ERGIC2: variants seen among roughly 807,000 people sequenced by gnomAD.
ERGIC2 encodes the protein endoplasmic reticulum-Golgi intermediate compartment protein 2.
In ERGIC2, 31 loss-of-function variants were observed where a neutral mutation model predicts 52.5. The ratio of observed to expected loss-of-function variants is 0.59; its 90% CI spans 0.44 to 0.80. The LOEUF is 0.80. ERGIC2 is among the 30% of genes least tolerant of loss of function. ERGIC2 has a pLI of 0.00. For synonymous variants in ERGIC2, 129 were observed against 140.6 expected (o/e 0.92, Z 0.58); for missense variants, 395 against 455.2 (o/e 0.87, Z 1.20).
chr12:29,345,444 C>T lies in ERGIC2; in HGVS notation c.824G>A (p.Arg275Lys). ...ADTHQFSVTE[R>K]ERIINHAAGS... Reference sequence around the variant, plus strand: ...TTTTACCGGTTGGATTCAACTTACCCTTTCTGTCACAGAAAACTGATGGGT... The same window carrying T: ...TTTTACCGGTTGGATTCAACTTACCTTTTCTGTCACAGAAAACTGATGGGT... The change falls in exon 11 of 14, where the codon AGG (arginine) becomes AAG (lysine). Residue 275 changes from arginine to lysine, a missense_variant and splice_region_variant. Physicochemically the swap from Arg to Lys is conservative, Grantham distance 26 (BLOSUM62 2). Transcript: ENST00000360150. The T allele has an allele frequency of 6.5e-7, 1 of 1,538,028 alleles. No homozygotes were observed. The highest frequency in any genetic ancestry group is 9.0e-7 in the Non-Finnish European group (1 of 1,115,746).
chr12:29,367,186 C>T (rs952738224), intron 4 of ERGIC2, among the ~76,000 whole-genome samples: 29 of 144,270 alleles, frequency 2.0e-4, no homozygotes, highest in African/African-American at 6.7e-4. Flanking sequence ...CAGTAAAAAA[C>T]TTCTTACCCA....
intron 2 of ERGIC2, among the ~76,000 whole-genome samples, chr12:29,370,795 T>G (rs1053442186): frequency 4.6e-5 from 7 of 152,014 alleles, no homozygotes; most frequent in Non-Finnish European, 1.0e-4. Context: ...CTCCTCTACT[T>G]GGCAATCTCC....
chr12:29,361,773 A>C, intron 5 of ERGIC2, 88 bp from the exon 6 acceptor site: 2 of 1,029,644 alleles, frequency 1.9e-6, no homozygotes, highest in Non-Finnish European at 1.4e-6. Context: ...TGAGCAGGAA[A>C]CATAAACTTA....
chr12:29,379,375 G>A (rs1940556177), intron 1 of ERGIC2, among the ~76,000 whole-genome samples: 1 of 152,096 alleles, frequency 6.6e-6, no homozygotes, highest in African/African-American at 2.4e-5. Context: ...AAGAACTTAT[G>A]CTTTAGTCAT....
At chr12:29,365,329 A>G (rs887911560) in intron 5 of ERGIC2, among the ~76,000 whole-genome samples, 3 of 152,136 alleles carry the variant, frequency 2.0e-5, no homozygotes, top group Non-Finnish European at 2.9e-5. Flanking sequence ...GCTGGAGGCA[A>G]TAATCCTAAG....
chr12:29,367,047 C>CA (rs748343213), intron 4 of ERGIC2, 100 bp from the exon 5 acceptor site: 24,411 of 261,898 alleles, frequency 0.093, 414 homozygotes, highest in African/African-American at 0.2. Flanking sequence ...ACTCACCAAG[C>CA]AAAAAAAAAA....
At position 29,381,172 on chromosome 12, in the gene ERGIC2, T is replaced by A. The variant is rs532994642; in HGVS notation, c.-95A>T. On this transcript the variant is annotated 5_prime_UTR_variant, in exon 1 of 14. Coordinates refer to ENST00000360150, the MANE Select transcript of ERGIC2 (RefSeq NM_016570.3). ...TCACAGAAGCCCGGGTCGCCGGGGC[T>A]CCCGCGTACCCGGAAATATCGCGAG... is the stretch of plus-strand genomic sequence containing the variant. 2.0e-5 allele frequency: 3 copies of A among 152,256 alleles called. No homozygotes were observed. The highest frequency in any genetic ancestry group is 7.2e-5 in the African/African-American group (3 of 41,530). The allele number at this position is 152,256 out of a possible 1,614,324, so 9.4% of individuals were successfully genotyped here.
chr12:29,368,155 A>G (rs905935783), intron 4 of ERGIC2, 86 bp downstream of exon 4: 2 of 811,172 alleles, frequency 2.5e-6, no homozygotes, highest in Non-Finnish European at 4.2e-6. Flanking sequence ...GGAAAAATAA[A>G]GTACAACCAG....
rs35726730 is a variant in ERGIC2, at chr12:29,338,173, CAAAAAAAA to C, written c.*2975_*2982del. The C allele has an allele frequency of 1.2e-5, 1 of 81,032 alleles. No homozygotes were observed. 5.0% of individuals were successfully genotyped at this position (81,032 alleles called of 1,614,324 possible). ...TAGGCGACAGAGCGAGACTCAGTTT[CAAAAAAAA>C]AAAAAAAAAAATTAGAACTTAGTCA... On this transcript the variant is annotated 3_prime_UTR_variant, in exon 14 of 14. Coordinates refer to ENST00000360150, the MANE Select transcript of ERGIC2 (RefSeq NM_016570.3).
At chr12:29,343,054 G>A in intron 12 of ERGIC2, 66 bp downstream of exon 12, 1 of 1,367,814 alleles carries the variant, frequency 7.3e-7, no homozygotes, top group Non-Finnish European at 9.9e-7. Context: ...TTGCCCCTTT[G>A]AGAAGAAGCA....
chr12:29,371,865 A>C (rs375693058), intron 1 of ERGIC2, among the ~76,000 whole-genome samples, 195 bp from the exon 2 acceptor site: 28 of 152,348 alleles, frequency 1.8e-4, no homozygotes, highest in African/African-American at 6.7e-4. Context: ...AATGGAAGGC[A>C]ATTTAAATAC....
chr12:29,343,962 T>C (rs191636542), intron 11 of ERGIC2, among the ~76,000 whole-genome samples: 64 of 152,294 alleles, frequency 4.2e-4, no homozygotes, highest in Middle Eastern at 3.4e-3. Context: ...ACTCCATTCT[T>C]TTTTAAGTTA....
chr12:29,346,410 A>C (rs2136852063), intron 10 of ERGIC2, among the ~76,000 whole-genome samples: 2 of 152,030 alleles, frequency 1.3e-5, no homozygotes, highest in East Asian at 3.9e-4. Context: ...GGCTGGTCTC[A>C]AACTCCTGGG....
At chr12:29,378,334 A>C (rs939351627) in intron 1 of ERGIC2, among the ~76,000 whole-genome samples, 1 of 152,132 alleles carries the variant, frequency 6.6e-6, no homozygotes, top group African/African-American at 2.4e-5. Context: ...TGACACCTTG[A>C]TTTCAGACTT....
At position 29,338,776 on chromosome 12, in the gene ERGIC2, T is replaced by C. The variant is rs1949816328; in HGVS notation, c.*2380A>G. The C allele has an allele frequency of 1.3e-5, 2 of 152,174 alleles. No homozygotes were observed. Among genetic ancestry groups the C allele is most frequent in the South Asian group, 4.1e-4 (2 of 4,824 alleles). The allele number at this position is 152,174 out of a possible 1,614,324, so 9.4% of individuals were successfully genotyped here. ...TTAATCTTCTTTATAGGTCAATGTA[T>C]GCAAACACAGTATTTAAAAATCCAT... On this transcript the variant is annotated 3_prime_UTR_variant, in exon 14 of 14. Coordinates refer to ENST00000360150, the MANE Select transcript of ERGIC2 (RefSeq NM_016570.3).
At chr12:29,380,354 T>C (rs78598629) in intron 1 of ERGIC2, among the ~76,000 whole-genome samples, 1,646 of 152,224 alleles carry the variant, frequency 0.011, 27 homozygotes, top group African/African-American at 0.038. Context: ...GTAACTTTCA[T>C]TGCTTCTGAA....
chr12:29,366,757 T>C, intron 5 of ERGIC2, 120 bp downstream of exon 5: 1 of 530,738 alleles, frequency 1.9e-6, no homozygotes, highest in Non-Finnish European at 3.2e-6. Context: ...TATGGATTAC[T>C]TTTGAAATAA....
At chr12:29,355,263 T>C (rs986937400) in intron 8 of ERGIC2, among the ~76,000 whole-genome samples, 1 of 152,176 alleles carries the variant, frequency 6.6e-6, no homozygotes, top group Admixed American at 6.5e-5. Flanking sequence ...AATTAAATAA[T>C]TATTAATGTA....
chr12:29,363,243 T>C (rs569093582), intron 5 of ERGIC2, among the ~76,000 whole-genome samples: 15 of 152,272 alleles, frequency 9.9e-5, no homozygotes, highest in African/African-American at 3.6e-4. Flanking sequence ...AAATAGTAAC[T>C]AAATGCAATA....
Sources: gnomAD v4.1 joint callset for allele counts (sites outside exome capture counted in the v4.1 genomes callset) on GRCh38, gnomAD v4.1.1 for gene constraint, MANE v1.5 for transcripts, NCBI Gene and HGNC (gene_info 2026-07-23, HGNC 2026-07-21) for gene names.